MPND: variants seen among roughly 807,000 people sequenced by gnomAD.
MPND encodes MPN domain containing.
Under a neutral mutation model 59.2 loss-of-function variants are expected in MPND, and 56 were observed. That is an observed-to-expected ratio of 0.95 (90% CI 0.76 to 1.18). MPND has a LOEUF of 1.18. Ranked by LOEUF, MPND falls within the 50% of genes most tolerant of loss-of-function variation. The pLI, the probability that MPND is intolerant of heterozygous loss-of-function variation, is 0.00. For missense variants in MPND, 671 were observed against 676.0 expected (o/e 0.99, Z 0.08); for synonymous variants, 323 against 291.9 (o/e 1.11, Z -1.09).
intron 10 of MPND, 159 bp from the exon 11 acceptor site, chr19:4,357,924 A>G (rs1278339685): frequency 4.6e-6 from 3 of 645,186 alleles, no homozygotes; most frequent in Non-Finnish European, 8.2e-6. Flanking sequence ...TAAGGATGCT[A>G]CACTGCCTCC....
intron 10 of MPND, 102 bp from the exon 11 acceptor site, chr19:4,357,981 G>T: frequency 1.1e-6 from 1 of 905,076 alleles, no homozygotes; most frequent in Non-Finnish European, 1.7e-6. Flanking sequence ...CTGAGCCGGG[G>T]TGTGCACTCT....
chr19:4,353,196 C>G (rs1013437313), intron 4 of MPND, among the ~76,000 whole-genome samples, 167 bp downstream of exon 4: 1 of 152,184 alleles, frequency 6.6e-6, no homozygotes, highest in African/African-American at 2.4e-5. Context: ...GGGCTGAAGA[C>G]AGTCCCACTG....
intron 2 of MPND, among the ~76,000 whole-genome samples, chr19:4,344,576 G>A (rs1972143455): frequency 6.6e-6 from 1 of 152,166 alleles, no homozygotes; most frequent in Non-Finnish European, 1.5e-5. Flanking sequence ...CACCACCCGC[G>A]CAGGGTCAGA....
chr19:4,354,574 G>A, intron 6 of MPND, 154 bp downstream of exon 6: 1 of 681,336 alleles, frequency 1.5e-6, no homozygotes, highest in Non-Finnish European at 2.5e-6. Flanking sequence ...AATGTATGAA[G>A]GAGGGTGCGT....
chr19:4,345,644 T>G, intron 2 of MPND, 101 bp from the exon 3 acceptor site: 1 of 1,121,220 alleles, frequency 8.9e-7, no homozygotes, highest in Non-Finnish European at 1.3e-6. Context: ...GGAAGCCCTG[T>G]AAAGACATGC....
chr19:4,345,678 G>C, intron 2 of MPND, 67 bp from the exon 3 acceptor site: 1 of 1,474,236 alleles, frequency 6.8e-7, no homozygotes. Flanking sequence ...GGTCTGGGGA[G>C]GACCCCCCGG....
At chr19:4,358,380 G>A in intron 11 of MPND, 1 of 581,472 alleles carries the variant, frequency 1.7e-6, no homozygotes, top group East Asian at 2.9e-5. Flanking sequence ...CTCCCCACCT[G>A]CTGTTCTCTA....
At chr19:4,354,856 T>C in intron 6 of MPND, 93 bp from the exon 7 acceptor site, 7 of 1,310,844 alleles carry the variant, frequency 5.3e-6, no homozygotes, top group Non-Finnish European at 7.3e-6. Flanking sequence ...AGAGCAAGAC[T>C]GAGTCTCAAA....
Position 4,352,987 on chromosome 19 carries a change from C to CG in MPND, c.624dup (p.Arg209GlufsTer68). On this transcript the variant is annotated frameshift_variant, in exon 4 of 13. Coordinates refer to ENST00000599840, the MANE Select transcript of MPND (RefSeq NM_001300862.2). LOFTEE classifies it high-confidence loss of function. ...AGGGGTCTCAGCAGAGGACAAGAGTCGGAGACCACTGGGGAAGAGCCCTTC... is the reference window on the plus strand; with the variant it reads ...AGGGGTCTCAGCAGAGGACAAGAGTCGGGAGACCACTGGGGAAGAGCCCTTC... 7.3e-7 allele frequency: 1 copy of CG among 1,369,766 alleles called. No homozygotes were observed. The highest frequency in any genetic ancestry group is 9.5e-7 in the Non-Finnish European group (1 of 1,052,264). The allele number at this position is 1,369,766 out of a possible 1,614,324, so 84.9% of individuals were successfully genotyped here. A position where few individuals can be genotyped will look rare whatever the true frequency, so the allele number is the denominator to read the frequency against.
intron 11 of MPND, among the ~76,000 whole-genome samples, 159 bp from the exon 12 acceptor site, chr19:4,359,004 G>C (rs1972511630): frequency 6.6e-6 from 1 of 152,064 alleles, no homozygotes; most frequent in South Asian, 2.1e-4. Flanking sequence ...CCTAAGCTAG[G>C]TGAGCCCTCT....
At chr19:4,357,221 C>T (rs1568400445) in intron 8 of MPND, 32 bp from the exon 9 acceptor site, 2 of 1,556,344 alleles carry the variant, frequency 1.3e-6, no homozygotes, top group East Asian at 2.3e-5. Flanking sequence ...GTTCAGGCCC[C>T]TGTGCCCGCT....
Position 4,352,838 on chromosome 19 carries a change from GAGC to G in MPND, c.532-58_532-56del, listed in dbSNP as rs1555736694. ...AAGGGCTGGGGTGGGATTTAGCAGG[GAGC>G]GGGGGGGCACCCAGCTGAGGGTCCC... is the stretch of plus-strand genomic sequence containing the variant. On this transcript the variant is annotated intron_variant, in intron 3 of 12. Transcript: ENST00000599840. The G allele has an allele frequency of 2.0e-4, 251 of 1,271,442 alleles. No homozygotes were observed. In the South Asian group the frequency reaches 2.4e-3, roughly 12 times the overall value. 78.8% of individuals were successfully genotyped at this position (1,271,442 alleles called of 1,614,324 possible).
At position 4,360,044 on chromosome 19, in the gene MPND, G is replaced by A. The variant is rs368531109; in HGVS notation, c.*42G>A. The A allele has an allele frequency of 2.7e-5, 40 of 1,507,528 alleles. No individual in the cohort carries two copies. Among genetic ancestry groups the A allele is most frequent in the South Asian group, 9.7e-5 (8 of 82,882 alleles). The allele number at this position is 1,507,528 out of a possible 1,614,324, so 93.4% of individuals were successfully genotyped here. On this transcript the variant is annotated 3_prime_UTR_variant, in exon 13 of 13. Transcript: ENST00000599840. ...TGGGCTCCAGTTGTCTTGAGGGTCC[G>A]GATGGGCTCAGGTAATAAAGAAACG...
At chr19:4,343,683 C>G (rs1409567134) in intron 1 of MPND, 25 bp from the exon 2 acceptor site, 4 of 1,074,576 alleles carry the variant, frequency 3.7e-6, no homozygotes, top group Admixed American at 9.8e-5. Flanking sequence ...CGAGCGGCCT[C>G]CCTGCAGCCT....
chr19:4,346,681 T>C (rs1217372016), intron 3 of MPND, among the ~76,000 whole-genome samples: 3 of 152,004 alleles, frequency 2.0e-5, no homozygotes. Flanking sequence ...CTTCCCAAAG[T>C]GTTGGGATTG....
intron 2 of MPND, among the ~76,000 whole-genome samples, chr19:4,344,903 A>ATT (rs893590706): frequency 2.1e-5 from 3 of 140,424 alleles, no homozygotes; most frequent in Non-Finnish European, 4.7e-5. Flanking sequence ...CGCCTGGCTA[A>ATT]TTTTTTTTTT....
At chr19:4,357,987 A>T (rs1452532041) in intron 10 of MPND, 96 bp from the exon 11 acceptor site, 15 of 982,538 alleles carry the variant, frequency 1.5e-5, no homozygotes, top group Non-Finnish European at 2.3e-5. Context: ...CGGGGTGTGC[A>T]CTCTCCCGTT....
At chr19:4,357,492 C>A in intron 9 of MPND, 23 bp from the exon 10 acceptor site, 1 of 1,611,894 alleles carries the variant, frequency 6.2e-7, no homozygotes, top group Non-Finnish European at 8.5e-7. Context: ...CCAGGGCCAA[C>A]CCCTCTCCCT....
chr19:4,359,847 G>A (rs930258035), intron 12 of MPND, 69 bp from the exon 13 acceptor site: 28 of 1,301,460 alleles, frequency 2.2e-5, no homozygotes, highest in Non-Finnish European at 2.8e-5. Context: ...GACTTGCACG[G>A]TGGACTGTGA....
Sources: allele counts gnomAD v4.1 joint callset (sites outside exome capture counted in the v4.1 genomes callset), GRCh38; gene constraint gnomAD v4.1.1; transcripts MANE v1.5; gene names NCBI Gene and HGNC (gene_info 2026-07-23, HGNC 2026-07-21).